The following PAN3 variants were observed in gnomAD, a reference collection of about 807,000 sequenced individuals.
PAN3 encodes the protein poly(A) specific ribonuclease subunit PAN3.
PAN3 carries 19 observed loss-of-function variants against 96.2 expected under a neutral mutation model. The observed-to-expected ratio is 0.20, with a 90% CI of 0.14 to 0.29. The LOEUF (loss-of-function observed/expected upper bound fraction) is 0.29, where lower values mean the gene tolerates loss of function less well. PAN3 is among the 10% of genes least tolerant of loss of function. The pLI is 1.00. For missense variants in PAN3, 882 were observed against 1,108.1 expected (o/e 0.80, Z 2.90); for synonymous variants, 433 against 406.6 (o/e 1.06, Z -0.78).
chr13:28,164,970 C>T (rs935047070), intron 1 of PAN3, among the ~76,000 whole-genome samples: 7 of 152,184 alleles, frequency 4.6e-5, no homozygotes, highest in African/African-American at 1.2e-4. Flanking sequence ...CGCAGTGGCG[C>T]GATCTCAGCT....
At chr13:28,161,835 C>G (rs1872917537) in intron 1 of PAN3, among the ~76,000 whole-genome samples, 1 of 152,206 alleles carries the variant, frequency 6.6e-6, no homozygotes, top group Non-Finnish European at 1.5e-5. Context: ...AGTTCCAGCT[C>G]TTCAAACAGA....
At chr13:28,280,325 C>A in intron 15 of PAN3, 87 bp from the exon 16 acceptor site, 8 of 1,415,290 alleles carry the variant, frequency 5.7e-6, no homozygotes, top group Non-Finnish European at 6.6e-6. Context: ...GCTAAGATGA[C>A]GGCAGCCAAA....
chr13:28,284,437 C>G (rs1258751953), intron 17 of PAN3, among the ~76,000 whole-genome samples: 3 of 142,008 alleles, frequency 2.1e-5, no homozygotes, highest in African/African-American at 8.0e-5. Flanking sequence ...TTGTATATGT[C>G]TGTAACTGAC....
chr13:28,273,087 A>G (rs919099707), intron 14 of PAN3, among the ~76,000 whole-genome samples: 6 of 152,142 alleles, frequency 3.9e-5, no homozygotes, highest in African/African-American at 1.4e-4. Flanking sequence ...AAATGTTTTC[A>G]TAGGTTTGTT....
chr13:28,186,415 T>C (rs1876475901), intron 4 of PAN3, among the ~76,000 whole-genome samples: 1 of 152,204 alleles, frequency 6.6e-6, no homozygotes, highest in South Asian at 2.1e-4. Context: ...ATCTGTAAAG[T>C]TGGTATAAAA....
chr13:28,220,120 T>G, intron 5 of PAN3, 111 bp from the exon 6 acceptor site: 1 of 1,043,604 alleles, frequency 9.6e-7, no homozygotes, highest in South Asian at 2.3e-5. Context: ...GTTAATCCTT[T>G]CAATAATATA....
In PAN3 at chr13:28,261,470, G is replaced by A; in HGVS notation, c.1411+12G>A. 6.2e-7 allele frequency: 1 copy of A among 1,604,074 alleles called. No homozygotes were observed. The highest frequency in any genetic ancestry group is 1.3e-5 in the African/African-American group (1 of 74,590). Reference sequence around the variant, plus strand: ...AGCAGATATGCCAGGTAAAAAGCAAGTTGATCCTTCCTTTCTTTTAAAGGC... The same window carrying A: ...AGCAGATATGCCAGGTAAAAAGCAAATTGATCCTTCCTTTCTTTTAAAGGC... On this transcript the variant is annotated intron_variant, in intron 9 of 18. Coordinates refer to ENST00000380958, the MANE Select transcript of PAN3 (RefSeq NM_175854.8).
intron 1 of PAN3, among the ~76,000 whole-genome samples, chr13:28,152,722 G>T (rs1871527625): frequency 6.6e-6 from 1 of 152,098 alleles, no homozygotes; most frequent in South Asian, 2.1e-4. Flanking sequence ...GAAGATAAAT[G>T]TCCCGTTTGA....
At chr13:28,164,066 C>G (rs1370695146) in intron 1 of PAN3, among the ~76,000 whole-genome samples, 1 of 152,150 alleles carries the variant, frequency 6.6e-6, no homozygotes, top group Non-Finnish European at 1.5e-5. Context: ...GCACTCCAGC[C>G]TGGGCAACAG....
intron 4 of PAN3, among the ~76,000 whole-genome samples, chr13:28,185,408 A>G (rs1876326693): frequency 6.6e-6 from 1 of 152,192 alleles, no homozygotes. Context: ...TACTTTGGAA[A>G]GAACAGATTA....
At chr13:28,173,051 G>T (rs1290145631) in intron 1 of PAN3, among the ~76,000 whole-genome samples, 1 of 152,140 alleles carries the variant, frequency 6.6e-6, no homozygotes, top group Non-Finnish European at 1.5e-5. Context: ...ATTCTCATTG[G>T]CTTACAGAAA....
chr13:28,224,705 A>G (rs1190173170), intron 6 of PAN3, among the ~76,000 whole-genome samples: 3 of 152,168 alleles, frequency 2.0e-5, no homozygotes, highest in Non-Finnish European at 4.4e-5. Flanking sequence ...TGCAGCCTCC[A>G]GTTCCAGCTC....
intron 4 of PAN3, among the ~76,000 whole-genome samples, chr13:28,191,901 G>A (rs1593442335): frequency 6.6e-6 from 1 of 151,776 alleles, no homozygotes; most frequent in African/African-American, 2.4e-5. Flanking sequence ...CACCATACCC[G>A]GCTCCTTTTT....
At chr13:28,215,098 GT>G (rs776746793) in intron 5 of PAN3, 19 of 866,724 alleles carry the variant, frequency 2.2e-5, no homozygotes, top group Non-Finnish European at 3.3e-5. Flanking sequence ...CCATTTGCTG[GT>G]TGGAATTGTG....
intron 1 of PAN3, among the ~76,000 whole-genome samples, chr13:28,162,025 A>G (rs999739009): frequency 6.6e-6 from 1 of 152,236 alleles, no homozygotes; most frequent in Non-Finnish European, 1.5e-5. Context: ...AGAGCATATT[A>G]GTGTTTCATC....
chr13:28,234,082 A>G (rs1882855819), intron 6 of PAN3, among the ~76,000 whole-genome samples: 1 of 152,086 alleles, frequency 6.6e-6, no homozygotes. Context: ...TGTCAATCCT[A>G]TTTAAGAACC....
rs536111754 is a variant in PAN3 at position 28,236,402 on chromosome 13, A to T, written c.1000+16024A>T. 7.9e-5 allele frequency among the ~76,000 whole-genome samples: 12 copies of T among 152,272 alleles called. No individual in the cohort carries two copies. The East Asian group carries it at 2.3e-3, about 29-fold the overall frequency. On this transcript the variant is annotated intron_variant, in intron 6 of 18. Transcript: ENST00000380958. ...AGCATCAGCCTTTATCTATATTTTT[A>T]AAAAATTCACAGGAGATTCTAACAT...
chr13:28,230,426 AAAC>A (rs1882419367), intron 6 of PAN3, among the ~76,000 whole-genome samples: 1 of 152,138 alleles, frequency 6.6e-6, no homozygotes, highest in Non-Finnish European at 1.5e-5. Context: ...TGGAAAAAAA[AAAC>A]AACCCTATGG....
chr13:28,250,201 C>CT (rs532825277), intron 6 of PAN3, among the ~76,000 whole-genome samples: 3,850 of 142,934 alleles, frequency 0.027, 145 homozygotes, highest in African/African-American at 0.085. Flanking sequence ...GCTCAGAACT[C>CT]TTTTTTTTTT....
Sources: allele counts gnomAD v4.1 joint callset (sites outside exome capture counted in the v4.1 genomes callset), GRCh38; gene constraint gnomAD v4.1.1; transcripts MANE v1.5; gene names NCBI Gene and HGNC (gene_info 2026-07-23, HGNC 2026-07-21).